The following NKAIN3 variants were observed in gnomAD, a reference collection of about 807,000 sequenced individuals.
NKAIN3 encodes the protein sodium/potassium transporting ATPase interacting 3.
NKAIN3 carries 25 observed loss-of-function variants against 30.2 expected under a neutral mutation model. The observed-to-expected ratio is 0.83, with a 90% CI of 0.60 to 1.16. NKAIN3 has a LOEUF of 1.16. NKAIN3 is among the 50% of genes most tolerant of loss of function. NKAIN3 has a pLI of 0.00. For missense variants in NKAIN3, 225 were observed against 254.1 expected, an observed-to-expected ratio of 0.89 and a Z score of 0.78; for synonymous variants, 91 against 89.6, an observed-to-expected ratio of 1.02 and a Z score of -0.09.
rs117750579 is a variant in NKAIN3 at position 62,998,022 on chromosome 8, G to A, written c.533-1209G>A. 3.9e-3 allele frequency among the ~76,000 whole-genome samples: 599 copies of A among 152,186 alleles called. 10 individuals are homozygous for A. The highest frequency in any genetic ancestry group is 0.028 in the Admixed American group (426 of 15,300). On this transcript the variant is annotated intron_variant, in intron 5 of 5. Transcript: ENST00000519049. ...GTTGAATTATTAAAATTGAGACTAT[G>A]AGCCCAGTACATTTTTTCCAATATA...
intron 5 of NKAIN3, 49 bp from the exon 6 acceptor site, chr8:62,953,853 A>T: frequency 2.3e-6 from 1 of 439,662 alleles, no homozygotes; most frequent in Non-Finnish European, 3.0e-6. Flanking sequence ...CATTAGTATT[A>T]TGTGTATTTT....
intron 1 of NKAIN3, among the ~76,000 whole-genome samples, chr8:62,456,552 T>C (rs1427773945): frequency 1.3e-5 from 2 of 151,844 alleles, no homozygotes; most frequent in East Asian, 1.9e-4. Context: ...AGGAAATCTT[T>C]CTTGATCTCT....
intron 3 of NKAIN3, among the ~76,000 whole-genome samples, chr8:62,723,872 A>G (rs991470500): frequency 6.6e-6 from 1 of 152,162 alleles, no homozygotes; most frequent in Admixed American, 6.5e-5. Flanking sequence ...ATAATCACAG[A>G]TAAGAGAAGA....
At chr8:62,260,361 G>C (rs370387264) in intron 1 of NKAIN3, among the ~76,000 whole-genome samples, 1 of 152,044 alleles carries the variant, frequency 6.6e-6, no homozygotes, top group African/African-American at 2.4e-5. Flanking sequence ...TAAGACAATG[G>C]GATATATAAA....
At position 62,687,740 on chromosome 8, in the gene NKAIN3, A is replaced by G. The variant is rs72651582; in HGVS notation, c.274-59192A>G. 3.0e-3 allele frequency among the ~76,000 whole-genome samples: 461 copies of G among 152,326 alleles called. 7 individuals are homozygous for G. Among genetic ancestry groups the G allele is most frequent in the Non-Finnish European group, 2.8e-3 (190 of 68,028 alleles). On this transcript the variant is annotated intron_variant, in intron 3 of 6. Coordinates refer to ENST00000623646, the MANE Select transcript of NKAIN3 (RefSeq NM_001304533.3). The stretch of plus-strand genomic sequence containing the variant: ...TTCACCAGTCAACATTATCGTTTTC[A>G]AATTTGTCAGAAACCCCTGCTCTCT...
At chr8:62,518,928 G>A (rs944619857) in intron 1 of NKAIN3, among the ~76,000 whole-genome samples, 4 of 152,034 alleles carry the variant, frequency 2.6e-5, no homozygotes, top group African/African-American at 9.7e-5. Context: ...ACTATGAAGG[G>A]ATTTACTAGG....
chr8:62,336,980 G>A (rs1815573068), intron 1 of NKAIN3, among the ~76,000 whole-genome samples: 1 of 152,094 alleles, frequency 6.6e-6, no homozygotes, highest in African/African-American at 2.4e-5. Flanking sequence ...AACCCAAGAA[G>A]GCTAACACAT....
At chr8:62,430,980 G>T (rs972096355) in intron 1 of NKAIN3, among the ~76,000 whole-genome samples, 3 of 151,906 alleles carry the variant, frequency 2.0e-5, no homozygotes, top group Non-Finnish European at 4.4e-5. Context: ...GTACAGATGG[G>T]ATGAATCTAG....
chr8:62,333,655 G>A (rs1335612189), intron 1 of NKAIN3, among the ~76,000 whole-genome samples: 1 of 152,044 alleles, frequency 6.6e-6, no homozygotes, highest in South Asian at 2.1e-4. Flanking sequence ...GTAAACATAA[G>A]CAGCACAAAC....
chr8:62,311,809 T>G (rs1814443510), intron 1 of NKAIN3, among the ~76,000 whole-genome samples: 1 of 150,376 alleles, frequency 6.6e-6, no homozygotes, highest in South Asian at 2.1e-4. Flanking sequence ...CCTGAAATAG[T>G]TGAAGTGAGC....
intron 3 of NKAIN3, among the ~76,000 whole-genome samples, chr8:62,669,278 T>C (rs1813225094): frequency 6.6e-6 from 1 of 152,214 alleles, no homozygotes; most frequent in African/African-American, 2.4e-5. Context: ...CATTTCCATC[T>C]GAAGGCTTTT....
At chr8:62,595,857 G>A (rs10957228) in intron 3 of NKAIN3, among the ~76,000 whole-genome samples, 68,788 of 151,760 alleles carry the variant, frequency 0.45, 17,696 homozygotes, top group Non-Finnish European at 0.58. Context: ...AGGGGTCTAT[G>A]GTAGCTCTTA....
intron 1 of NKAIN3, among the ~76,000 whole-genome samples, chr8:62,506,955 C>T (rs769461655): frequency 2.0e-5 from 3 of 152,096 alleles, no homozygotes; most frequent in Non-Finnish European, 4.4e-5. Context: ...TTTTCCATTT[C>T]TTTGACTAGA....
chr8:62,591,116 T>C (rs1447944245), intron 3 of NKAIN3, among the ~76,000 whole-genome samples: 4 of 151,970 alleles, frequency 2.6e-5, no homozygotes. Context: ...CACTGCATTT[T>C]GTATCTTGCG....
chr8:62,964,586 A>C, intron 6 of NKAIN3, among the ~76,000 whole-genome samples: 1 of 146,946 alleles, frequency 6.8e-6, no homozygotes, highest in African/African-American at 2.5e-5. Flanking sequence ...GTGCTTCCCC[A>C]CACATGCGTG....
At position 62,788,165 on chromosome 8, in the gene NKAIN3, G is replaced by GT. The variant is rs200398403; in HGVS notation, c.471+41037dup. Among the ~76,000 whole-genome samples, 10 of 152,272 alleles carry GT rather than the reference G, an allele frequency of 6.6e-5. No individual in the cohort carries two copies. The East Asian group carries it at 1.9e-3, about 29-fold the overall frequency. On this transcript the variant is annotated intron_variant, in intron 4 of 6. Transcript: ENST00000623646. ...TTACAGTCTCACCAACAGTGTAAAA[G>GT]TGTTCCTATTTCTCCACATCGTCTC...
At chr8:62,443,171 C>T (rs1029559657) in intron 1 of NKAIN3, among the ~76,000 whole-genome samples, 1 of 151,454 alleles carries the variant, frequency 6.6e-6, no homozygotes, top group African/African-American at 2.4e-5. Context: ...TTTTAAAATC[C>T]CAATCACAAT....
rs201511724 is a variant in NKAIN3 at position 62,454,301 on chromosome 8, C to CAAAAAAAAAAAAAAAA, written c.55-125231_55-125216dup. Among the ~76,000 whole-genome samples, 223 of 56,144 alleles carry CAAAAAAAAAAAAAAAA rather than the reference C, an allele frequency of 4.0e-3. 29 individuals carry two copies. Among genetic ancestry groups the CAAAAAAAAAAAAAAAA allele is most frequent in the Non-Finnish European group, 6.6e-3 (171 of 25,988 alleles). The allele number at this position is 56,144 out of a possible 152,430, so 36.8% of individuals were successfully genotyped here. A position where few individuals can be genotyped will look rare whatever the true frequency, so the allele number is the denominator to read the frequency against. On this transcript the variant is annotated intron_variant, in intron 1 of 6. Coordinates refer to ENST00000623646, the MANE Select transcript of NKAIN3 (RefSeq NM_001304533.3). ...ACCAACACTAACAATAGCTGATGTG[C>CAAAAAAAAAAAAAAAA]AAAAAAAAAAAAAAAAAAAAAATCT... is the stretch of plus-strand genomic sequence containing the variant.
intron 3 of NKAIN3, among the ~76,000 whole-genome samples, chr8:62,720,962 C>T (rs147659553): frequency 2.6e-5 from 4 of 152,178 alleles, no homozygotes; most frequent in East Asian, 1.9e-4. Context: ...TCTGCCGCAT[C>T]GCTTACTTCA....
Sources: gnomAD v4.1 joint callset for allele counts (sites outside exome capture counted in the v4.1 genomes callset) on GRCh38, gnomAD v4.1.1 for gene constraint, MANE v1.5 for transcripts, NCBI Gene and HGNC (gene_info 2026-07-23, HGNC 2026-07-21) for gene names.